PDLIM5: variants seen among roughly 807,000 people sequenced by gnomAD.
PDLIM5 encodes PDZ and LIM domain 5.
A neutral mutation model predicts 64.2 loss-of-function variants in PDLIM5; 34 were observed. The observed-to-expected ratio is 0.53, with a 90% CI of 0.40 to 0.71. PDLIM5 has a LOEUF of 0.71. Among genes scored for constraint, PDLIM5 ranks in the 30% least tolerant of loss-of-function variants. The pLI, the probability that PDLIM5 is intolerant of heterozygous loss-of-function variation, is 0.00. For synonymous variants in PDLIM5, 253 were observed against 269.1 expected (o/e 0.94, Z 0.59); for missense variants, 683 against 733.6 (o/e 0.93, Z 0.80).
chr4:94,523,988 G>A (rs1469126285), intron 3 of PDLIM5, 113 bp downstream of exon 3: 16 of 684,328 alleles, frequency 2.3e-5, no homozygotes, highest in Non-Finnish European at 3.5e-5. Context: ...ATCATTTCAG[G>A]TAAATAAAAA....
At chr4:94,628,264 G>T (rs1469048596) in intron 8 of PDLIM5, among the ~76,000 whole-genome samples, 1 of 152,172 alleles carries the variant, frequency 6.6e-6, no homozygotes, top group Non-Finnish European at 1.5e-5. Flanking sequence ...TTTTATGCTA[G>T]ATGTGCTGCT....
At position 94,640,379 on chromosome 4, in the gene PDLIM5, A is replaced by T. The variant is rs1226338272; in HGVS notation, c.1212A>T (p.Leu404Phe). The stretch of plus-strand genomic sequence containing the variant: ...CCCAGCCAAGTGACCAGGACACTTT[A>T]GTGCAAAGAGCTGAGCACATTCCAG... ...GQTQPSDQDTLVQRAEHIPAG... is the reference protein window; with the variant it reads ...GQTQPSDQDTFVQRAEHIPAG... The change falls in exon 9 of 13, where the codon TTA becomes TTT. Residue 404 changes from leucine (L) to phenylalanine (F), a missense_variant. Coordinates refer to ENST00000317968, the MANE Select transcript of PDLIM5 (RefSeq NM_006457.5). 2 of 1,612,962 alleles carry T rather than the reference A, an allele frequency of 1.2e-6. No individual in the cohort carries two copies. Among genetic ancestry groups the T allele is most frequent in the South Asian group, 2.2e-5 (2 of 91,040 alleles).
At chr4:94,613,453 A>G (rs981554949) in intron 7 of PDLIM5, among the ~76,000 whole-genome samples, 1 of 152,228 alleles carries the variant, frequency 6.6e-6, no homozygotes, top group Admixed American at 6.5e-5. Context: ...AAGATAAATC[A>G]GGTTGCTGAC....
At chr4:94,623,054 G>C (rs1382277753) in intron 8 of PDLIM5, among the ~76,000 whole-genome samples, 2 of 152,184 alleles carry the variant, frequency 1.3e-5, no homozygotes, top group Non-Finnish European at 2.9e-5. Flanking sequence ...CTAGGCTGCA[G>C]ATACTTAGAG....
At chr4:94,567,136 G>T (rs532158760) in intron 3 of PDLIM5, among the ~76,000 whole-genome samples, 3 of 152,116 alleles carry the variant, frequency 2.0e-5, no homozygotes, top group Non-Finnish European at 2.9e-5. Flanking sequence ...GGGACTACAG[G>T]CGCCCGCCAC....
At chr4:94,640,964 G>C (rs1740960103) in intron 9 of PDLIM5, among the ~76,000 whole-genome samples, 1 of 152,176 alleles carries the variant, frequency 6.6e-6, no homozygotes, top group Non-Finnish European at 1.5e-5. Flanking sequence ...GTAATGACCT[G>C]CTTCTTTAAA....
At chr4:94,560,724 G>GTTTGT (rs752353983) in intron 3 of PDLIM5, among the ~76,000 whole-genome samples, 22 of 152,134 alleles carry the variant, frequency 1.4e-4, no homozygotes, top group East Asian at 9.7e-4. Context: ...AGACTTAGAT[G>GTTTGT]TTTGTTTTGT....
intron 3 of PDLIM5, among the ~76,000 whole-genome samples, chr4:94,544,586 C>G (rs1446206985): frequency 6.6e-6 from 1 of 152,182 alleles, no homozygotes; most frequent in Non-Finnish European, 1.5e-5. Context: ...CACCACCACA[C>G]TGTGATGGCA....
chr4:94,663,529 G>A (rs564184716), intron 12 of PDLIM5, among the ~76,000 whole-genome samples: 82 of 152,236 alleles, frequency 5.4e-4, no homozygotes, highest in African/African-American at 1.9e-3. Context: ...AAAAAAAAAG[G>A]GTCTCAGGTA....
At chr4:94,580,881 G>T (rs1735676422) in intron 5 of PDLIM5, among the ~76,000 whole-genome samples, 1 of 152,016 alleles carries the variant, frequency 6.6e-6, no homozygotes, top group African/African-American at 2.4e-5. Context: ...AATGATTATA[G>T]AATTGAATTG....
intron 3 of PDLIM5, among the ~76,000 whole-genome samples, chr4:94,528,823 C>G (rs1320141607): frequency 6.6e-6 from 1 of 152,162 alleles, no homozygotes; most frequent in Non-Finnish European, 1.5e-5. Flanking sequence ...TGAGGGAGCA[C>G]CTTCTCACTT....
At chr4:94,612,196 C>T (rs1036426320) in intron 7 of PDLIM5, among the ~76,000 whole-genome samples, 3 of 152,024 alleles carry the variant, frequency 2.0e-5, no homozygotes, top group East Asian at 3.9e-4. Context: ...CCAGCCTGGG[C>T]GACAGGGCAA....
intron 3 of PDLIM5, among the ~76,000 whole-genome samples, chr4:94,525,226 C>G (rs1457205135): frequency 6.6e-6 from 1 of 152,100 alleles, no homozygotes; most frequent in Non-Finnish European, 1.5e-5. Context: ...TGAGACCAGC[C>G]TGGCCAACAT....
chr4:94,593,363 G>A (rs1442863604), intron 7 of PDLIM5, among the ~76,000 whole-genome samples: 1 of 152,170 alleles, frequency 6.6e-6, no homozygotes, highest in Non-Finnish European at 1.5e-5. Context: ...AGACTGGTTA[G>A]GTGGGACAGT....
At chr4:94,585,194 G>T (rs558976651) in intron 5 of PDLIM5, among the ~76,000 whole-genome samples, 1 of 152,074 alleles carries the variant, frequency 6.6e-6, no homozygotes, top group Non-Finnish European at 1.5e-5. Flanking sequence ...AGGTTCAAGC[G>T]ATTCTCCTGC....
At chr4:94,570,813 T>TA (rs1282403548) in intron 3 of PDLIM5, among the ~76,000 whole-genome samples, 1 of 152,180 alleles carries the variant, frequency 6.6e-6, no homozygotes, top group East Asian at 1.9e-4. Flanking sequence ...GTGGGAAACT[T>TA]AGACAAGAGC....
At chr4:94,596,499 C>G (rs1248932096) in intron 7 of PDLIM5, among the ~76,000 whole-genome samples, 1 of 150,740 alleles carries the variant, frequency 6.6e-6, no homozygotes, top group African/African-American at 2.4e-5. Flanking sequence ...CTTATGTTTA[C>G]TAAAACTCAG....
chr4:94,457,563 T>C (rs1723487624), intron 2 of PDLIM5, among the ~76,000 whole-genome samples: 1 of 152,196 alleles, frequency 6.6e-6, no homozygotes, highest in African/African-American at 2.4e-5. Flanking sequence ...ACTTTTTTGC[T>C]GAAAAAAAGT....
intron 3 of PDLIM5, among the ~76,000 whole-genome samples, chr4:94,567,192 A>G (rs1734414696): frequency 6.6e-6 from 1 of 151,972 alleles, no homozygotes; most frequent in Non-Finnish European, 1.5e-5. Context: ...ACGGGGTTTC[A>G]CCGTGTTAGC....
Sources: allele counts gnomAD v4.1 joint callset (sites outside exome capture counted in the v4.1 genomes callset), GRCh38; gene constraint gnomAD v4.1.1; transcripts MANE v1.5; gene names NCBI Gene and HGNC (gene_info 2026-07-23, HGNC 2026-07-21).